CTNNA3: variants seen among roughly 807,000 people sequenced by gnomAD.
CTNNA3 encodes catenin alpha-3.
Under a neutral mutation model 95.7 loss-of-function variants are expected in CTNNA3, and 76 were observed. The observed-to-expected ratio is 0.79, with a 90% CI of 0.66 to 0.96. CTNNA3 has a LOEUF of 0.96. Among genes scored for constraint, CTNNA3 ranks in the 40% least tolerant of loss-of-function variants. The probability of loss-of-function intolerance (pLI) is 0.00; values close to 1 mark genes in which losing one functional copy is unlikely to be tolerated. For synonymous variants in CTNNA3, 431 were observed against 374.4 expected (o/e 1.15, Z -1.74); for missense variants, 1,191 against 1,089.8 (o/e 1.09, Z -1.31).
chr10:67,677,374 C>T (rs1275540422), intron 1 of CTNNA3, among the ~76,000 whole-genome samples: 1 of 152,130 alleles, frequency 6.6e-6, no homozygotes, highest in East Asian at 1.9e-4. Context: ...CGCATGCACA[C>T]ACACATATGT....
rs1841520370 is a variant in CTNNA3, at chr10:67,561,805, A to T, written c.293-22136T>A. Among the ~76,000 whole-genome samples the T allele has an allele frequency of 2.0e-5, 3 of 152,152 alleles. No homozygotes were observed. The South Asian group carries it at 6.2e-4, about 32-fold the overall frequency. On this transcript the variant is annotated intron_variant, in intron 3 of 17. Coordinates refer to ENST00000433211, the MANE Select transcript of CTNNA3 (RefSeq NM_013266.4). ...GATCCAATAAAAAATGATAAAGGGG[A>T]TATCACCGCCAATGCCACAGAAATA...
chr10:66,672,300 A>T (rs760601266), intron 9 of CTNNA3, among the ~76,000 whole-genome samples: 2 of 152,160 alleles, frequency 1.3e-5, no homozygotes, highest in Non-Finnish European at 2.9e-5. Flanking sequence ...TGAAGAAGAT[A>T]TAAAGAGCTG....
intron 13 of CTNNA3, among the ~76,000 whole-genome samples, chr10:66,216,917 A>AAG (rs2088578369): frequency 6.6e-6 from 1 of 152,060 alleles, no homozygotes; most frequent in African/African-American, 2.4e-5. Context: ...CCACAGCTAA[A>AAG]ATACAGACCT....
intron 13 of CTNNA3, among the ~76,000 whole-genome samples, chr10:66,224,167 C>T (rs1356534683): frequency 2.0e-5 from 3 of 152,196 alleles, no homozygotes; most frequent in Non-Finnish European, 2.9e-5. Context: ...ATTGACTCCC[C>T]TGGTTCTCAG....
At chr10:67,081,483 G>A (rs1175377282) in intron 7 of CTNNA3, among the ~76,000 whole-genome samples, 1 of 152,100 alleles carries the variant, frequency 6.6e-6, no homozygotes, top group Non-Finnish European at 1.5e-5. Flanking sequence ...CCAATATTGT[G>A]GCTCAGAGAG....
At chr10:66,569,072 A>G (rs1564538880) in intron 10 of CTNNA3, among the ~76,000 whole-genome samples, 1 of 151,972 alleles carries the variant, frequency 6.6e-6, no homozygotes, top group Non-Finnish European at 1.5e-5. Flanking sequence ...TAGAGAATAA[A>G]AGCTAGACAT....
intron 10 of CTNNA3, among the ~76,000 whole-genome samples, chr10:66,553,642 T>C (rs1564529347): frequency 6.9e-6 from 1 of 144,898 alleles, no homozygotes. Flanking sequence ...ATTCTCCTGC[T>C]TCAGCCTCCC....
chr10:67,701,660 G>A (rs1199843138), intron 1 of CTNNA3, among the ~76,000 whole-genome samples: 1 of 152,198 alleles, frequency 6.6e-6, no homozygotes, highest in African/African-American at 2.4e-5. Flanking sequence ...GGTACCAGCT[G>A]CTGCAAATTC....
intron 7 of CTNNA3, among the ~76,000 whole-genome samples, chr10:66,803,956 AGTT>A (rs1036675156): frequency 2.0e-5 from 3 of 149,274 alleles, no homozygotes; most frequent in Admixed American, 1.3e-4. Context: ...AAAAGATGCC[AGTT>A]GTTTTTTTTT....
chr10:66,121,613 G>A (rs1698067368), intron 13 of CTNNA3, among the ~76,000 whole-genome samples: 1 of 152,162 alleles, frequency 6.6e-6, no homozygotes, highest in African/African-American at 2.4e-5. Context: ...ACTTTGGGAT[G>A]CCAAGGCAAG....
chr10:66,671,108 AT>A (rs1290652467), intron 9 of CTNNA3, among the ~76,000 whole-genome samples: 1 of 152,182 alleles, frequency 6.6e-6, no homozygotes, highest in Non-Finnish European at 1.5e-5. Context: ...GTAGGAAGCA[AT>A]TATCAGTATA....
chr10:67,387,095 C>A (rs1295062764), intron 5 of CTNNA3, among the ~76,000 whole-genome samples: 1 of 152,200 alleles, frequency 6.6e-6, no homozygotes, highest in East Asian at 1.9e-4. Context: ...CTACAGCTCC[C>A]AGCGTGAGCG....
chr10:65,971,724 C>T (rs979090901), intron 16 of CTNNA3, among the ~76,000 whole-genome samples: 1 of 151,956 alleles, frequency 6.6e-6, no homozygotes, highest in African/African-American at 2.4e-5. Context: ...CCAAATTCTA[C>T]CAAACATACA....
intron 6 of CTNNA3, among the ~76,000 whole-genome samples, chr10:67,205,733 T>G (rs1863867156): frequency 6.6e-6 from 1 of 152,154 alleles, no homozygotes; most frequent in Non-Finnish European, 1.5e-5. Context: ...TGGTTTAAAA[T>G]ACTTGTTTCT....
At chr10:67,705,149 G>T (rs1841069885) in intron 1 of CTNNA3, among the ~76,000 whole-genome samples, 1 of 151,784 alleles carries the variant, frequency 6.6e-6, no homozygotes, top group Non-Finnish European at 1.5e-5. Context: ...AGAGGATGTG[G>T]AGAAATAGGA....
Position 67,419,175 on chromosome 10 carries a change from G to T in CTNNA3, c.579+102667C>A, listed in dbSNP as rs192841580. Among the ~76,000 whole-genome samples, 3 of 152,068 alleles carry T rather than the reference G, an allele frequency of 2.0e-5. No homozygotes were observed. In the East Asian group the frequency reaches 5.8e-4, roughly 29 times the overall value. On this transcript the variant is annotated intron_variant, in intron 5 of 17. Coordinates refer to ENST00000433211, the MANE Select transcript of CTNNA3 (RefSeq NM_013266.4). ...CTGAATTAAACAAGATCCTCAGGTG[G>T]TTCATGTGTACATTAAAATCTGAGA...
intron 7 of CTNNA3, among the ~76,000 whole-genome samples, chr10:66,888,547 AT>A (rs11321237): frequency 0.45 from 67,715 of 149,000 alleles, 15,445 homozygotes; most frequent in Non-Finnish European, 0.48. Context: ...GTAGTTTTTC[AT>A]TTTTTTTTTT....
chr10:67,740,448 G>A (rs113880514), intron 1 of CTNNA3, among the ~76,000 whole-genome samples: 2,167 of 150,888 alleles, frequency 0.014, 91 homozygotes, highest in Non-Finnish European at 0.025. Flanking sequence ...CAATGAACTC[G>A]AACAAATGTA....
At chr10:67,161,989 T>C (rs980376016) in intron 7 of CTNNA3, among the ~76,000 whole-genome samples, 1 of 152,046 alleles carries the variant, frequency 6.6e-6, no homozygotes, top group African/African-American at 2.4e-5. Flanking sequence ...CTAGCCTAAA[T>C]GCGCATGTAC....
Sources: allele counts gnomAD v4.1 joint callset (sites outside exome capture counted in the v4.1 genomes callset), GRCh38; gene constraint gnomAD v4.1.1; transcripts MANE v1.5; gene names NCBI Gene and HGNC (gene_info 2026-07-23, HGNC 2026-07-21).